Variants in RETREG1 observed in about 807,000 individuals in gnomAD.
RETREG1 encodes the protein family with sequence similarity 134 member B.
RETREG1 carries 44 observed loss-of-function variants against 54.8 expected under a neutral mutation model. The ratio of observed to expected loss-of-function variants is 0.80; its 90% CI spans 0.63 to 1.03. RETREG1 has a LOEUF of 1.03. RETREG1 is among the 50% of genes least tolerant of loss of function. The probability of loss-of-function intolerance (pLI) is 0.00; values close to 1 mark genes in which losing one functional copy is unlikely to be tolerated. For synonymous variants in RETREG1, 217 were observed against 238.5 expected (o/e 0.91, Z 0.83); for missense variants, 554 against 605.1 (o/e 0.92, Z 0.89).
chr5:16,498,517 A>T (rs1739561962), intron 3 of RETREG1, among the ~76,000 whole-genome samples: 1 of 152,238 alleles, frequency 6.6e-6, no homozygotes, highest in Admixed American at 6.5e-5. Flanking sequence ...GTTCAACACC[A>T]GCCTGGGCAA....
At chr5:16,601,915 G>A (rs1743065034) in intron 1 of RETREG1, among the ~76,000 whole-genome samples, 1 of 152,172 alleles carries the variant, frequency 6.6e-6, no homozygotes, top group Non-Finnish European at 1.5e-5. Flanking sequence ...CCTTTCGCCA[G>A]CTCAAGTGCA....
chr5:16,514,694 C>T (rs1740288507), intron 3 of RETREG1, among the ~76,000 whole-genome samples: 1 of 151,648 alleles, frequency 6.6e-6, no homozygotes, highest in Non-Finnish European at 1.5e-5. Flanking sequence ...TCCCACCATT[C>T]CCCCCAAGTC....
chr5:16,504,220 C>A (rs1456963947), intron 3 of RETREG1, among the ~76,000 whole-genome samples: 4 of 152,220 alleles, frequency 2.6e-5, no homozygotes, highest in Non-Finnish European at 4.4e-5. Flanking sequence ...CATGTCCCTG[C>A]AAAGGACACA....
chr5:16,539,806 C>G (rs1260196730), intron 3 of RETREG1, among the ~76,000 whole-genome samples: 1 of 152,194 alleles, frequency 6.6e-6, no homozygotes. Flanking sequence ...AGTTTATTCA[C>G]CAGATGTTTA....
intron 3 of RETREG1, among the ~76,000 whole-genome samples, chr5:16,528,162 T>C (rs1453516742): frequency 6.6e-6 from 1 of 152,162 alleles, no homozygotes; most frequent in Non-Finnish European, 1.5e-5. Flanking sequence ...GAAGACAACG[T>C]GTTCCGGAAA....
At chr5:16,607,818 T>A (rs1743236879) in intron 1 of RETREG1, among the ~76,000 whole-genome samples, 1 of 151,498 alleles carries the variant, frequency 6.6e-6, no homozygotes, top group Non-Finnish European at 1.5e-5. Context: ...CTCTGGGTAT[T>A]CCCCCTAGCA....
At chr5:16,592,973 T>C (rs1356214535) in intron 1 of RETREG1, among the ~76,000 whole-genome samples, 3 of 152,038 alleles carry the variant, frequency 2.0e-5, no homozygotes, top group Non-Finnish European at 4.4e-5. Flanking sequence ...GATGAAATAA[T>C]CTGTACAACA....
intron 1 of RETREG1, among the ~76,000 whole-genome samples, chr5:16,613,508 T>C (rs1469599095): frequency 6.6e-6 from 1 of 152,218 alleles, no homozygotes; most frequent in African/African-American, 2.4e-5. Context: ...GTTATACCCA[T>C]TGGTTACGGC....
At chr5:16,553,416 T>C (rs1189271633) in intron 3 of RETREG1, among the ~76,000 whole-genome samples, 1 of 152,034 alleles carries the variant, frequency 6.6e-6, no homozygotes, top group Non-Finnish European at 1.5e-5. Flanking sequence ...TAGGGATACA[T>C]ATATGTGATT....
In RETREG1 at chr5:16,573,754, T is replaced by G. The variant is rs546768285; in HGVS notation, c.321-1652A>C. Among the ~76,000 whole-genome samples, 38 of 148,220 alleles carry G rather than the reference T, an allele frequency of 2.6e-4. No homozygotes were observed. The East Asian group carries it at 2.8e-3, about 11-fold the overall frequency. On this transcript the variant is annotated intron_variant, in intron 1 of 8. Transcript: ENST00000306320. ...TTGTTTGTTTTTTGTTTTTTTTTTT[T>G]TTTTTTTGAGATGGAGTTTCACTCT...
Position 16,473,877 on chromosome 5 carries a change from T to A in RETREG1, c.*864A>T, listed in dbSNP as rs1738409800. 5 of 152,140 alleles carry A rather than the reference T, an allele frequency of 3.3e-5. No individual in the cohort carries two copies. In the South Asian group the frequency reaches 1.0e-3, roughly 31 times the overall value. The allele number at this position is 152,140 out of a possible 1,614,324, so 9.4% of individuals were successfully genotyped here. ...AACTAGTTTCACAATTTTAGGAGAC[T>A]TTTTTCATGACATAATATAAAAGAT... On this transcript the variant is annotated 3_prime_UTR_variant, in exon 9 of 9. Transcript: ENST00000306320.
chr5:16,602,436 C>T (rs907005378), intron 1 of RETREG1, among the ~76,000 whole-genome samples: 2 of 152,052 alleles, frequency 1.3e-5, no homozygotes, highest in African/African-American at 4.8e-5. Flanking sequence ...AACTAAGAGG[C>T]GAGTTCCTGG....
At chr5:16,548,152 A>T (rs1020594044) in intron 3 of RETREG1, among the ~76,000 whole-genome samples, 1 of 152,196 alleles carries the variant, frequency 6.6e-6, no homozygotes, top group Non-Finnish European at 1.5e-5. Flanking sequence ...ATCAGATTAA[A>T]TTATAAGACT....
At chr5:16,552,541 CTTGT>C (rs1182327199) in intron 3 of RETREG1, among the ~76,000 whole-genome samples, 1 of 152,212 alleles carries the variant, frequency 6.6e-6, no homozygotes, top group Non-Finnish European at 1.5e-5. Flanking sequence ...AGATGCTTAG[CTTGT>C]TTGTCAACTA....
chr5:16,538,002 G>C (rs546504136), intron 3 of RETREG1, among the ~76,000 whole-genome samples: 1 of 152,306 alleles, frequency 6.6e-6, no homozygotes, highest in African/African-American at 2.4e-5. Flanking sequence ...GATCAGCTTA[G>C]CTCAGTCCCT....
At chr5:16,574,024 G>A (rs1011167262) in intron 1 of RETREG1, among the ~76,000 whole-genome samples, 3 of 152,200 alleles carry the variant, frequency 2.0e-5, no homozygotes, top group African/African-American at 7.2e-5. Context: ...TGGGATTACA[G>A]GCACAAGCCA....
intron 1 of RETREG1, among the ~76,000 whole-genome samples, chr5:16,603,261 C>T (rs1204515489): frequency 6.6e-6 from 1 of 152,170 alleles, no homozygotes; most frequent in East Asian, 1.9e-4. Flanking sequence ...TCTGTAATTG[C>T]AGCTTTCATT....
chr5:16,517,651 C>G lies in RETREG1; in HGVS notation c.459-34179G>C, dbSNP rs531113914. Among the ~76,000 whole-genome samples the G allele has an allele frequency of 2.0e-5, 3 of 152,214 alleles. No individual in the cohort carries two copies. In the South Asian group the frequency reaches 6.2e-4, roughly 32 times the overall value. On this transcript the variant is annotated intron_variant, in intron 3 of 8. Transcript: ENST00000306320. Reference sequence around the variant, plus strand: ...TCCATGCTGCGTTACTGTCTTAGTTCAATTCATCATCTGTTGCTGAGGTGA... The same window carrying G: ...TCCATGCTGCGTTACTGTCTTAGTTGAATTCATCATCTGTTGCTGAGGTGA...
chr5:16,613,306 C>A (rs1743401751), intron 1 of RETREG1, among the ~76,000 whole-genome samples: 2 of 152,270 alleles, frequency 1.3e-5, no homozygotes, highest in South Asian at 4.1e-4. Flanking sequence ...TCATTGTATT[C>A]CTCAGGGTTA....
Sources: allele counts gnomAD v4.1 joint callset (sites outside exome capture counted in the v4.1 genomes callset), GRCh38; gene constraint gnomAD v4.1.1; transcripts MANE v1.5; gene names NCBI Gene and HGNC (gene_info 2026-07-23, HGNC 2026-07-21).